R3HDM1: variants seen among roughly 807,000 people sequenced by gnomAD.
R3HDM1 encodes R3H domain-containing protein 1.
R3HDM1 carries 46 observed loss-of-function variants against 141.1 expected under a neutral mutation model. That is an observed-to-expected ratio of 0.33 (90% CI 0.26 to 0.42). The LOEUF (loss-of-function observed/expected upper bound fraction) is 0.42, where lower values mean the gene tolerates loss of function less well. R3HDM1 is among the 10% of genes least tolerant of loss of function. R3HDM1 has a pLI of 1.00. For missense variants in R3HDM1, 1,184 were observed against 1,368.3 expected (o/e 0.87, Z 2.12); for synonymous variants, 435 against 472.9 (o/e 0.92, Z 1.04).
intron 21 of R3HDM1, among the ~76,000 whole-genome samples, chr2:135,697,664 A>G (rs1359300940): frequency 2.6e-5 from 4 of 152,224 alleles, no homozygotes; most frequent in African/African-American, 9.6e-5. Context: ...AAAATAATCT[A>G]TTATTCCATT....
chr2:135,651,039 T>G, intron 17 of R3HDM1: 1 of 985,400 alleles, frequency 1.0e-6, no homozygotes, highest in Non-Finnish European at 1.2e-6. Context: ...GTTTGTCAGA[T>G]AGCACATAAA....
At chr2:135,657,015 G>T (rs1174205091) in intron 18 of R3HDM1, among the ~76,000 whole-genome samples, 2 of 151,942 alleles carry the variant, frequency 1.3e-5, no homozygotes, top group Non-Finnish European at 2.9e-5. Context: ...CACAAGAATT[G>T]CTTGAACCCG....
rs1434364649 is a variant in R3HDM1, at chr2:135,724,010, G to A, written c.3123G>A (p.Gly1041=). 2 of 1,613,814 alleles carry A rather than the reference G, an allele frequency of 1.2e-6. No individual in the cohort carries two copies. Among genetic ancestry groups the A allele is most frequent in the African/African-American group, 1.3e-5 (1 of 74,810 alleles). The stretch of plus-strand genomic sequence containing the variant: ...GCATGGAAGCTGAAAAGCTTTTTGG[G>A]GAACTCTTTAAAATTGGCGCCAAGA... ...ITRMEAEKLF[G]ELFKIGAKIR... is the part of the protein sequence containing the mutation. The change falls in exon 27 of 27, where the codon GGG becomes GGA. Residue 1041 remains glycine (G), a synonymous_variant. Transcript: ENST00000683871.
intron 19 of R3HDM1, among the ~76,000 whole-genome samples, chr2:135,664,412 C>T (rs1050457921): frequency 6.6e-6 from 1 of 152,066 alleles, no homozygotes; most frequent in African/African-American, 2.4e-5. Flanking sequence ...AATGAAAACA[C>T]TAGTAGACTT....
intron 1 of R3HDM1, among the ~76,000 whole-genome samples, chr2:135,601,209 G>GT (rs1207672090): frequency 6.6e-6 from 1 of 152,164 alleles, no homozygotes; most frequent in Non-Finnish European, 1.5e-5. Flanking sequence ...ATCATTTGAT[G>GT]TAGTGGCTGG....
intron 26 of R3HDM1, among the ~76,000 whole-genome samples, chr2:135,723,053 A>G (rs560293817): frequency 3.0e-4 from 45 of 152,304 alleles, no homozygotes; most frequent in African/African-American, 1.0e-3. Context: ...CCACTGTACA[A>G]TGCCTCTTTT....
At chr2:135,555,370 C>A (rs970397820) in intron 1 of R3HDM1, among the ~76,000 whole-genome samples, 4 of 151,162 alleles carry the variant, frequency 2.6e-5, no homozygotes, top group South Asian at 2.1e-4. Context: ...TAGTGAGATA[C>A]CTTTGTGTCT....
At chr2:135,624,192 G>A (rs1421091123) in intron 7 of R3HDM1, among the ~76,000 whole-genome samples, 7 of 152,064 alleles carry the variant, frequency 4.6e-5, no homozygotes, top group South Asian at 4.1e-4. Flanking sequence ...TCAGGAGATC[G>A]AGACCATCCT....
intron 7 of R3HDM1, among the ~76,000 whole-genome samples, chr2:135,624,122 G>T (rs188879433): frequency 2.6e-5 from 4 of 152,296 alleles, no homozygotes; most frequent in Non-Finnish European, 5.9e-5. Flanking sequence ...AAGGTCGGGC[G>T]CAGTGGCTCA....
At chr2:135,639,275 A>G in intron 14 of R3HDM1, 153 bp downstream of exon 14, 2 of 652,062 alleles carry the variant, frequency 3.1e-6, no homozygotes, top group Non-Finnish European at 5.3e-6. Flanking sequence ...AAGGGGTAAT[A>G]TGTTTCTTGA....
intron 11 of R3HDM1, among the ~76,000 whole-genome samples, chr2:135,637,927 A>G (rs2063422560): frequency 6.6e-6 from 1 of 152,172 alleles, no homozygotes; most frequent in African/African-American, 2.4e-5. Flanking sequence ...TTGCTACTCA[A>G]ACGTGACAGC....
chr2:135,718,501 G>A (rs953871252), intron 24 of R3HDM1, among the ~76,000 whole-genome samples: 10 of 150,748 alleles, frequency 6.6e-5, no homozygotes, highest in Non-Finnish European at 1.3e-4. Context: ...TGTTTGTTTT[G>A]AGACACTGTC....
intron 1 of R3HDM1, chr2:135,559,013 C>T (rs556038414): frequency 1.0e-6 from 1 of 981,574 alleles, no homozygotes; most frequent in East Asian, 1.1e-4. Context: ...AAACTTAAAA[C>T]TAAAATACCT....
rs150006747 is a variant in R3HDM1, at chr2:135,642,115, A to G, written c.1474+325A>G. Among the ~76,000 whole-genome samples the G allele has an allele frequency of 1.3e-3, 192 of 152,256 alleles. 4 individuals carry two copies. The Middle Eastern group carries it at 0.017, about 13-fold the overall frequency. On this transcript the variant is annotated intron_variant, in intron 15 of 26. Coordinates refer to ENST00000683871, the MANE Select transcript of R3HDM1 (RefSeq NM_001378107.1). ...GATATAACAATTTTTTTTAACCAACATTGATTTTTTTGGATGATACAACAA... is the reference window on the plus strand; with the variant it reads ...GATATAACAATTTTTTTTAACCAACGTTGATTTTTTTGGATGATACAACAA...
chr2:135,587,302 C>G (rs1357137620), intron 1 of R3HDM1, among the ~76,000 whole-genome samples: 4 of 152,042 alleles, frequency 2.6e-5, no homozygotes, highest in Admixed American at 2.0e-4. Flanking sequence ...GAGAGTTTTG[C>G]TTGCTTTTTA....
intron 15 of R3HDM1, 46 bp from the exon 16 acceptor site, chr2:135,645,333 C>T: frequency 2.0e-6 from 3 of 1,491,734 alleles, no homozygotes; most frequent in Non-Finnish European, 2.8e-6. Context: ...ACCTATTTTC[C>T]ACCTGTATTC....
At chr2:135,587,469 C>G (rs1708196139) in intron 1 of R3HDM1, among the ~76,000 whole-genome samples, 1 of 152,142 alleles carries the variant, frequency 6.6e-6, no homozygotes. Context: ...TTTATCAACG[C>G]TGAATGTCAT....
intron 19 of R3HDM1, chr2:135,670,121 A>G (rs908228590): frequency 4.9e-6 from 1 of 203,620 alleles, no homozygotes; most frequent in African/African-American, 2.5e-5. Context: ...CAGAGCAGAC[A>G]GAGCAAGACT....
At chr2:135,680,763 T>A (rs2070150519) in intron 21 of R3HDM1, among the ~76,000 whole-genome samples, 3 of 152,196 alleles carry the variant, frequency 2.0e-5, no homozygotes, top group Admixed American at 2.0e-4. Flanking sequence ...AGAGTGAACT[T>A]CTGTCTCCAA....
Sources: gnomAD v4.1 joint callset for allele counts (sites outside exome capture counted in the v4.1 genomes callset) on GRCh38, gnomAD v4.1.1 for gene constraint, MANE v1.5 for transcripts, NCBI Gene and HGNC (gene_info 2026-07-23, HGNC 2026-07-21) for gene names.